MRO: variants seen among roughly 807,000 people sequenced by gnomAD.
The protein encoded by MRO is maestro, also known as protein maestro.
In MRO, 28 loss-of-function variants were observed where a neutral mutation model predicts 31.0. The ratio of observed to expected loss-of-function variants is 0.90; its 90% CI spans 0.67 to 1.24. MRO has a LOEUF of 1.24. Ranked by LOEUF, MRO falls within the 50% of genes most tolerant of loss-of-function variation. The pLI is 0.00. For missense variants in MRO, 332 were observed against 289.2 expected, an observed-to-expected ratio of 1.15 and a Z score of -1.07; for synonymous variants, 108 against 108.4, an observed-to-expected ratio of 1.00 and a Z score of 0.02.
In MRO at chr18:50,799,258, G is replaced by A; in HGVS notation, c.*79C>T. On this transcript the variant is annotated 3_prime_UTR_variant, in exon 8 of 8. Transcript: ENST00000398439. ...CCCAAGAGGCAAGCAGTGAGAAGAGGCATCCAGTGAGATAAAACAGGGGAA... is the reference window on the plus strand; with the variant it reads ...CCCAAGAGGCAAGCAGTGAGAAGAGACATCCAGTGAGATAAAACAGGGGAA... 1 of 1,253,398 alleles carries A rather than the reference G, an allele frequency of 8.0e-7. No homozygotes were observed. Among genetic ancestry groups the A allele is most frequent in the Admixed American group, 1.7e-5 (1 of 59,036 alleles). 77.6% of individuals were successfully genotyped at this position (1,253,398 alleles called of 1,614,324 possible).
chr18:50,809,142 CTCAAAAAAAAAA>C (rs1399075620), intron 3 of MRO, among the ~76,000 whole-genome samples, 148 bp downstream of exon 3: 2 of 66,478 alleles, frequency 3.0e-5, no homozygotes, highest in Non-Finnish European at 6.2e-5. Context: ...GAGACTCCGT[CTCAAAAAAAAAA>C]AAAAAAAAAA....
At chr18:50,807,160 G>C (rs1914022590) in intron 3 of MRO, among the ~76,000 whole-genome samples, 1 of 152,178 alleles carries the variant, frequency 6.6e-6, no homozygotes, top group Non-Finnish European at 1.5e-5. Flanking sequence ...CTTGATCAGT[G>C]TTGATGTGAT....
In MRO at chr18:50,800,128, ATGT is replaced by A. The variant is rs945090412; in HGVS notation, c.598_600del (p.Thr200del). On this transcript the variant is annotated inframe_deletion, in exon 7 of 8. Transcript: ENST00000398439. The stretch of plus-strand genomic sequence containing the variant: ...TTCAGATATGGAGAACAGGCTTGAA[ATGT>A]TGTTTTGCAAGCCTGAGAAAAATAA... 2 of 1,611,592 alleles carry A rather than the reference ATGT, an allele frequency of 1.2e-6. No individual in the cohort carries two copies. The highest frequency in any genetic ancestry group is 3.3e-5 in the Admixed American group (2 of 59,896).
chr18:50,800,104 T>G lies in MRO; in HGVS notation c.625A>C (p.Lys209Gln). The change falls in exon 7 of 8, where the codon AAA (lysine) becomes CAA (glutamine). Residue 209 changes from lysine (K) to glutamine (Q), a missense_variant. Lys to Gln is a moderately conservative substitution (Grantham distance 53, BLOSUM62 1). Transcript: ENST00000398439. ...TTFQACSPYL[K>Q]LKEEYSFQSE... The stretch of plus-strand genomic sequence containing the variant: ...TGGAAGCTGTATTCCTCCTTTAGTT[T>G]CAGATATGGAGAACAGGCTTGAAAT... 6.2e-7 allele frequency: 1 copy of G among 1,613,774 alleles called. No homozygotes were observed. Among genetic ancestry groups the G allele is most frequent in the Non-Finnish European group, 8.5e-7 (1 of 1,179,732 alleles).
At chr18:50,807,704 T>A (rs1013793798) in intron 3 of MRO, among the ~76,000 whole-genome samples, 3 of 152,250 alleles carry the variant, frequency 2.0e-5, no homozygotes, top group Non-Finnish European at 2.9e-5. Flanking sequence ...CCAGAATGCA[T>A]GCATCTGAGC....
At chr18:50,804,522 A>G (rs1268297786) in intron 5 of MRO, among the ~76,000 whole-genome samples, 1 of 152,048 alleles carries the variant, frequency 6.6e-6, no homozygotes, top group Non-Finnish European at 1.5e-5. Flanking sequence ...GCTACTTGGG[A>G]GGCTGAGGTG....
Position 50,799,110 on chromosome 18 carries a change from T to A in MRO, c.*227A>T. 1 of 497,062 alleles carries A rather than the reference T, an allele frequency of 2.0e-6. No homozygotes were observed. Among genetic ancestry groups the A allele is most frequent in the Non-Finnish European group, 3.6e-6 (1 of 275,830 alleles). 30.8% of individuals were successfully genotyped at this position (497,062 alleles called of 1,614,324 possible). ...AAAGTGTGTACCTGCTCATCAAATTTGTATGGGGAGGAAATGAAATAAGTG... is the reference window on the plus strand; with the variant it reads ...AAAGTGTGTACCTGCTCATCAAATTAGTATGGGGAGGAAATGAAATAAGTG... On this transcript the variant is annotated 3_prime_UTR_variant, in exon 8 of 8. Transcript: ENST00000398439.
intron 5 of MRO, among the ~76,000 whole-genome samples, chr18:50,803,797 G>T (rs538307449): frequency 1.3e-5 from 2 of 152,324 alleles, no homozygotes; most frequent in Admixed American, 6.5e-5. Flanking sequence ...TCTGGCTCTC[G>T]CCACGTGGCT....
At chr18:50,806,553 G>A (rs180981134) in intron 4 of MRO, 151 bp downstream of exon 4, 17 of 913,334 alleles carry the variant, frequency 1.9e-5, no homozygotes, top group Admixed American at 1.6e-4. Context: ...TAATCAACAC[G>A]TGTTGCTGTA....
chr18:50,812,498 A>G (rs984910466), intron 2 of MRO, among the ~76,000 whole-genome samples: 22 of 152,172 alleles, frequency 1.4e-4, no homozygotes, highest in African/African-American at 5.3e-4. Flanking sequence ...GTTGTGCAGA[A>G]AAGTTTTTAT....
chr18:50,819,471 A>G (rs760245868), intron 2 of MRO, 110 bp downstream of exon 2: 14 of 1,469,452 alleles, frequency 9.5e-6, no homozygotes, highest in Non-Finnish European at 1.2e-5. Flanking sequence ...CTAGAGGTCG[A>G]GCTCCCATAC....
chr18:50,811,746 C>CTTTTTTTTTTTTTTTTTTTTTTT (rs71171344), intron 2 of MRO, among the ~76,000 whole-genome samples: 4 of 80,100 alleles, frequency 5.0e-5, no homozygotes, highest in Admixed American at 1.8e-4. Context: ...TGTGGTAATT[C>CTTTTTTTTTTTTTTTTTTTTTTT]TTTTTTTTTT....
At chr18:50,812,808 A>G (rs1475880457) in intron 2 of MRO, among the ~76,000 whole-genome samples, 1 of 152,148 alleles carries the variant, frequency 6.6e-6, no homozygotes, top group Admixed American at 6.5e-5. Context: ...AACCCTGGCT[A>G]CATTAGGATC....
At position 50,800,126 on chromosome 18, in the gene MRO, A is replaced by C; in HGVS notation, c.603T>G (p.Phe201Leu). The change falls in exon 7 of 8, where the codon TTT (phenylalanine) becomes TTG (leucine). Residue 201 changes from phenylalanine to leucine, a missense_variant. By Grantham distance (22) the Phe-to-Leu change is conservative. Transcript: ENST00000398439. ...GTTTCAGATATGGAGAACAGGCTTG[A>C]AATGTTGTTTTGCAAGCCTGAGAAA... is the stretch of plus-strand genomic sequence containing the variant. ...PQVAKACKTT[F>L]QACSPYLKLK... 6.2e-7 allele frequency: 1 copy of C among 1,611,468 alleles called. No homozygotes were observed. Among genetic ancestry groups the C allele is most frequent in the Non-Finnish European group, 8.5e-7 (1 of 1,178,252 alleles).
At chr18:50,800,223 A>C (rs1913166360) in intron 6 of MRO, 80 bp from the exon 7 acceptor site, 1 of 1,013,032 alleles carries the variant, frequency 9.9e-7, no homozygotes, top group Non-Finnish European at 1.4e-6. Flanking sequence ...AGAGGATTGC[A>C]CCCAATCTGT....
rs1599000158 is a variant in MRO at position 50,798,626 on chromosome 18, AC to A, written c.*710del. ...TTGTCGCAAGTATTAAATAGAACTT[AC>A]AAAAAGCACTTTGACCGTGCCCACT... On this transcript the variant is annotated 3_prime_UTR_variant, in exon 8 of 8. Transcript: ENST00000398439. 2 of 152,212 alleles carry A rather than the reference AC, an allele frequency of 1.3e-5. No individual in the cohort carries two copies. Among genetic ancestry groups the A allele is most frequent in the Non-Finnish European group, 2.9e-5 (2 of 68,052 alleles). The allele number at this position is 152,212 out of a possible 1,614,324, so 9.4% of individuals were successfully genotyped here. A position where few individuals can be genotyped will look rare whatever the true frequency, so the allele number is the denominator to read the frequency against.
chr18:50,809,768 T>C (rs752103644), intron 2 of MRO, among the ~76,000 whole-genome samples: 8 of 152,236 alleles, frequency 5.3e-5, no homozygotes, highest in Non-Finnish European at 1.2e-4. Context: ...TTAAAAGTTC[T>C]CTGAGAATGT....
intron 2 of MRO, among the ~76,000 whole-genome samples, chr18:50,817,484 T>A (rs1174922779): frequency 6.6e-6 from 1 of 151,628 alleles, no homozygotes; most frequent in Non-Finnish European, 1.5e-5. Flanking sequence ...CAGAGCAAGA[T>A]CCTGTCTCTA....
rs141296827 is a variant in MRO, at chr18:50,801,426, A to T, written c.508T>A (p.Phe170Ile). Reference protein sequence around the residue: ...AAFAGRKWKKFFTSQVKQTRD... With the variant: ...AAFAGRKWKKIFTSQVKQTRD... ...GTCTGCTTAACCTGACTGGTGAAAA[A>T]TTTTTTCCATTTCCTCCCGGCAAAG... Residue 170 changes from phenylalanine to isoleucine, a missense_variant, in exon 6 of 8, where the codon TTT (phenylalanine) becomes ATT (isoleucine). Physicochemically the swap from Phe to Ile is conservative, Grantham distance 21. Transcript: ENST00000398439. 2.4e-5 allele frequency: 39 copies of T among 1,611,230 alleles called. No homozygotes were observed. The Middle Eastern group carries it at 4.9e-4, about 20-fold the overall frequency.
Sources: gnomAD v4.1 joint callset for allele counts (sites outside exome capture counted in the v4.1 genomes callset) on GRCh38, gnomAD v4.1.1 for gene constraint, MANE v1.5 for transcripts, NCBI Gene and HGNC (gene_info 2026-07-23, HGNC 2026-07-21) for gene names.